PCDH9: variants seen among roughly 807,000 people sequenced by gnomAD.
PCDH9 encodes protocadherin-9.
A neutral mutation model predicts 70.6 loss-of-function variants in PCDH9; 24 were observed. The ratio of observed to expected loss-of-function variants is 0.34; its 90% CI spans 0.25 to 0.48. The LOEUF (loss-of-function observed/expected upper bound fraction) is 0.48, where lower values mean the gene tolerates loss of function less well. Ranked by LOEUF, PCDH9 falls within the 20% of genes least tolerant of loss-of-function variation. The probability of loss-of-function intolerance (pLI) is 0.99; values close to 1 mark genes in which losing one functional copy is unlikely to be tolerated. For synonymous variants in PCDH9, 562 were observed against 558.5 expected, an observed-to-expected ratio of 1.01 and a Z score of -0.09; for missense variants, 1,281 against 1,503.6, an observed-to-expected ratio of 0.85 and a Z score of 2.45.
intron 4 of PCDH9, among the ~76,000 whole-genome samples, chr13:66,500,698 T>G (rs1959172618): frequency 6.6e-6 from 1 of 152,130 alleles, no homozygotes; most frequent in Non-Finnish European, 1.5e-5. Flanking sequence ...AAGGATTAAT[T>G]CACTTACAAG....
chr13:67,162,012 T>C (rs1276196857), intron 2 of PCDH9, among the ~76,000 whole-genome samples: 1 of 152,204 alleles, frequency 6.6e-6, no homozygotes, highest in Non-Finnish European at 1.5e-5. Context: ...CTAAGTGTTT[T>C]GTTCAAGTCC....
At chr13:66,645,541 G>C (rs1458573758) in intron 3 of PCDH9, among the ~76,000 whole-genome samples, 1 of 151,986 alleles carries the variant, frequency 6.6e-6, no homozygotes, top group Admixed American at 6.6e-5. Flanking sequence ...TTATAAAACT[G>C]ATATTTCTAA....
chr13:66,890,780 G>A (rs549204959), intron 3 of PCDH9, among the ~76,000 whole-genome samples: 56 of 152,122 alleles, frequency 3.7e-4, no homozygotes, highest in African/African-American at 1.2e-3. Context: ...CCTGCCTTTT[G>A]TTTCGATTGA....
At chr13:66,323,297 A>T (rs1232683463) in intron 4 of PCDH9, 1 of 152,060 alleles carries the variant, frequency 6.6e-6, no homozygotes, top group Non-Finnish European at 1.5e-5. Context: ...AATTAACTTT[A>T]GGAAAGGAAC....
chr13:66,664,255 G>T lies in PCDH9; in HGVS notation c.3139-32844C>A, dbSNP rs555951523. On this transcript the variant is annotated intron_variant, in intron 3 of 4. Coordinates refer to ENST00000377865, the MANE Select transcript of PCDH9 (RefSeq NM_203487.3). The stretch of plus-strand genomic sequence containing the variant: ...ATTTACAGTCTAAATAATTTTATCT[G>T]TCTTGGATATGCACAAATAAGACAT... Among the ~76,000 whole-genome samples the T allele has an allele frequency of 2.0e-5, 3 of 152,234 alleles. No individual in the cohort carries two copies. In the South Asian group the frequency reaches 6.2e-4, roughly 32 times the overall value.
chr13:66,845,957 G>T (rs1432768568), intron 3 of PCDH9, among the ~76,000 whole-genome samples: 1 of 151,946 alleles, frequency 6.6e-6, no homozygotes, highest in Non-Finnish European at 1.5e-5. Flanking sequence ...GATTAAGCTG[G>T]TAAATATGTA....
intron 4 of PCDH9, among the ~76,000 whole-genome samples, chr13:66,341,623 T>A (rs568553910): frequency 6.6e-6 from 1 of 152,260 alleles, no homozygotes; most frequent in East Asian, 1.9e-4. Context: ...TAATTAATGA[T>A]TCTGTTGGTT....
intron 3 of PCDH9, among the ~76,000 whole-genome samples, chr13:66,902,269 A>G (rs1437822247): frequency 6.6e-6 from 1 of 151,718 alleles, no homozygotes; most frequent in Non-Finnish European, 1.5e-5. Context: ...ACACAAAGAA[A>G]AAGAAATAGA....
chr13:66,625,827 A>AT (rs938978139), intron 4 of PCDH9, among the ~76,000 whole-genome samples: 9 of 151,216 alleles, frequency 6.0e-5, no homozygotes, highest in African/African-American at 1.5e-4. Flanking sequence ...CACCTGGCTC[A>AT]TTTTTTTTGT....
chr13:66,729,125 A>T (rs1481899020), intron 3 of PCDH9, among the ~76,000 whole-genome samples: 1 of 152,090 alleles, frequency 6.6e-6, no homozygotes, highest in East Asian at 1.9e-4. Context: ...GAAAGATCTC[A>T]TATCTAACAT....
intron 4 of PCDH9, among the ~76,000 whole-genome samples, chr13:66,553,758 T>C (rs1352887335): frequency 6.6e-6 from 1 of 152,218 alleles, no homozygotes; most frequent in Non-Finnish European, 1.5e-5. Flanking sequence ...ATGTGGACAT[T>C]GTATTTTCTC....
At chr13:67,162,626 T>A (rs1263027454) in intron 2 of PCDH9, among the ~76,000 whole-genome samples, 3 of 152,170 alleles carry the variant, frequency 2.0e-5, no homozygotes, top group African/African-American at 7.2e-5. Context: ...GAAAAGAAAA[T>A]TGGCCATACT....
intron 2 of PCDH9, chr13:67,202,676 T>C (rs1479747526): frequency 2.0e-5 from 3 of 152,100 alleles, no homozygotes; most frequent in Non-Finnish European, 4.4e-5. Flanking sequence ...TTATCTATTT[T>C]TAGTGAGGGG....
chr13:66,544,545 G>A (rs1352568947), intron 4 of PCDH9, among the ~76,000 whole-genome samples: 1 of 152,166 alleles, frequency 6.6e-6, no homozygotes, highest in Non-Finnish European at 1.5e-5. Context: ...GAATGATATT[G>A]CTTCTAGTAG....
chr13:66,951,680 G>T (rs1261127497), intron 2 of PCDH9, among the ~76,000 whole-genome samples: 1 of 152,126 alleles, frequency 6.6e-6, no homozygotes, highest in African/African-American at 2.4e-5. Flanking sequence ...AAACACCAAA[G>T]CTAGGTCTCC....
chr13:67,045,744 A>T (rs1464373577), intron 2 of PCDH9, among the ~76,000 whole-genome samples: 1 of 152,172 alleles, frequency 6.6e-6, no homozygotes. Context: ...ATAACATGTA[A>T]TTGAATATGA....
chr13:66,915,342 G>GT (rs1045689460), intron 2 of PCDH9, among the ~76,000 whole-genome samples: 1 of 151,512 alleles, frequency 6.6e-6, no homozygotes, highest in Non-Finnish European at 1.5e-5. Flanking sequence ...TTTTATAGAA[G>GT]TTTTTTATTC....
intron 3 of PCDH9, among the ~76,000 whole-genome samples, chr13:66,761,439 C>T (rs558471682): frequency 4.6e-5 from 7 of 152,098 alleles, no homozygotes; most frequent in African/African-American, 1.4e-4. Flanking sequence ...AGATTTCTAC[C>T]CCCTTTATCT....
chr13:67,071,768 A>C (rs2085767947), intron 2 of PCDH9, among the ~76,000 whole-genome samples: 1 of 151,852 alleles, frequency 6.6e-6, no homozygotes, highest in Admixed American at 6.6e-5. Flanking sequence ...GGACACCTGT[A>C]ATCCCAGCTA....
Sources: allele counts gnomAD v4.1 joint callset (sites outside exome capture counted in the v4.1 genomes callset), GRCh38; gene constraint gnomAD v4.1.1; transcripts MANE v1.5; gene names NCBI Gene and HGNC (gene_info 2026-07-23, HGNC 2026-07-21).